PARG: variants seen among roughly 807,000 people sequenced by gnomAD.
PARG encodes the protein mitochondrial poly(ADP-ribose) glycohydrolase.
PARG carries 35 observed loss-of-function variants against 113.0 expected under a neutral mutation model. The observed-to-expected ratio is 0.31, with a 90% CI of 0.24 to 0.41. PARG has a LOEUF of 0.41. PARG is among the 10% of genes least tolerant of loss of function. The pLI is 1.00. For missense variants in PARG, 797 were observed against 1,169.4 expected, an observed-to-expected ratio of 0.68 and a Z score of 4.64; for synonymous variants, 330 against 409.9, an observed-to-expected ratio of 0.81 and a Z score of 2.36.
intron 7 of PARG, among the ~76,000 whole-genome samples, chr10:49,893,861 T>A (rs1417740384): frequency 2.7e-5 from 4 of 147,612 alleles, no homozygotes; most frequent in African/African-American, 9.8e-5. Flanking sequence ...GCCCAGCTAA[T>A]GTTTTTTTTT....
At chr10:49,837,113 GT>G (rs1844976404) in intron 15 of PARG, among the ~76,000 whole-genome samples, 1 of 152,078 alleles carries the variant, frequency 6.6e-6, no homozygotes, top group South Asian at 2.1e-4. Flanking sequence ...AAGGAGACTG[GT>G]CCCCCCCTTT....
At position 49,839,251 on chromosome 10, in the gene PARG, C is replaced by T. The variant is rs1040522094; in HGVS notation, c.2541+2699G>A. 1.1e-4 allele frequency among the ~76,000 whole-genome samples: 17 copies of T among 151,912 alleles called. 1 individual carries two copies. Among genetic ancestry groups the T allele is most frequent in the African/African-American group, 4.1e-4 (17 of 41,370 alleles). ...ACTTGGGAGGCTGAAGCAGGAGAATCACTTGTACCCGGGAGGCGGAAGTTG... is the reference window on the plus strand; with the variant it reads ...ACTTGGGAGGCTGAAGCAGGAGAATTACTTGTACCCGGGAGGCGGAAGTTG... On this transcript the variant is annotated intron_variant, in intron 15 of 17. Transcript: ENST00000616448.
At chr10:49,892,897 G>A (rs1847879707) in intron 7 of PARG, among the ~76,000 whole-genome samples, 1 of 152,162 alleles carries the variant, frequency 6.6e-6, no homozygotes, top group Admixed American at 6.5e-5. Context: ...GCCTGGGCAA[G>A]ATGGTGAAAC....
At chr10:49,828,015 T>C (rs2132374212) in intron 16 of PARG, among the ~76,000 whole-genome samples, 1 of 135,502 alleles carries the variant, frequency 7.4e-6, no homozygotes, top group Non-Finnish European at 1.5e-5. Context: ...CACGGGTGCC[T>C]AGGGTCTGGT....
chr10:49,838,153 G>T (rs1182479172), intron 15 of PARG, among the ~76,000 whole-genome samples: 3 of 152,132 alleles, frequency 2.0e-5, no homozygotes, highest in Admixed American at 2.0e-4. Context: ...TGATTTGGCT[G>T]GGCGCAGTGC....
At chr10:49,853,796 C>T (rs1415337422) in intron 13 of PARG, among the ~76,000 whole-genome samples, 5 of 152,044 alleles carry the variant, frequency 3.3e-5, no homozygotes, top group African/African-American at 1.2e-4. Context: ...TTATTTTTTG[C>T]CTTACTTCAC....
intron 7 of PARG, among the ~76,000 whole-genome samples, chr10:49,904,835 G>A (rs1848501074): frequency 6.6e-6 from 1 of 152,118 alleles, no homozygotes; most frequent in Admixed American, 6.5e-5. Flanking sequence ...AGAATCGCTT[G>A]AACCCAGGAG....
chr10:49,888,906 C>T (rs1220728671), intron 7 of PARG, among the ~76,000 whole-genome samples: 1 of 152,120 alleles, frequency 6.6e-6, no homozygotes, highest in Non-Finnish European at 1.5e-5. Context: ...TTTCTCACTG[C>T]TGTTCAGACT....
chr10:49,929,939 G>A (rs1245736234), intron 4 of PARG, among the ~76,000 whole-genome samples: 3 of 150,560 alleles, frequency 2.0e-5, no homozygotes, highest in Non-Finnish European at 4.4e-5. Context: ...AGGAGTTAGG[G>A]ATGAGAGTTA....
chr10:49,925,835 G>A (rs1838128938), intron 4 of PARG, among the ~76,000 whole-genome samples: 1 of 152,220 alleles, frequency 6.6e-6, no homozygotes, highest in Non-Finnish European at 1.5e-5. Flanking sequence ...TAAGGAAATT[G>A]AACACTTGAA....
At chr10:49,920,772 G>A (rs1837826749) in intron 6 of PARG, among the ~76,000 whole-genome samples, 1 of 151,760 alleles carries the variant, frequency 6.6e-6, no homozygotes, top group South Asian at 2.1e-4. Context: ...GCTTTTTGTA[G>A]CTGTGAGCCT....
chr10:49,824,080 T>C (rs945283884), intron 16 of PARG, among the ~76,000 whole-genome samples: 1 of 152,200 alleles, frequency 6.6e-6, no homozygotes, highest in Non-Finnish European at 1.5e-5. Context: ...AACTACACCA[T>C]GGAGTTAAAT....
rs781807321 is a variant in PARG at position 49,843,594 on chromosome 10, T to A, written c.2392A>T (p.Thr798Ser). The A allele has an allele frequency of 3.2e-6, 5 of 1,551,142 alleles. No individual in the cohort carries two copies. The highest frequency in any genetic ancestry group is 2.0e-5 in the Admixed American group (1 of 51,002). ...QYSEYTGYAE[T>S]YRWSRSHEDG... ...TCGTGGCTCCGGGACCAACGATATG[T>A]CTCAGCATAGCCTGTGTATTCACTG... Residue 798 changes from threonine (T) to serine (S), a missense_variant, in exon 14 of 18, where the codon ACA becomes TCA. Physicochemically the swap from Thr to Ser is moderately conservative, Grantham distance 58. Transcript: ENST00000616448.
chr10:49,863,057 T>C (rs1247059392), intron 11 of PARG, among the ~76,000 whole-genome samples: 1 of 151,830 alleles, frequency 6.6e-6, no homozygotes, highest in Non-Finnish European at 1.5e-5. Flanking sequence ...GCTAGAAACC[T>C]TTTCTTGGTT....
chr10:49,916,412 T>C (rs1837474043), intron 6 of PARG, among the ~76,000 whole-genome samples: 1 of 152,118 alleles, frequency 6.6e-6, no homozygotes, highest in Non-Finnish European at 1.5e-5. Context: ...GGTCAGTTAA[T>C]AGGGTTGAGG....
intron 7 of PARG, among the ~76,000 whole-genome samples, chr10:49,901,946 C>T (rs1848365187): frequency 6.6e-6 from 1 of 152,044 alleles, no homozygotes; most frequent in South Asian, 2.1e-4. Flanking sequence ...CTGTGCTGTC[C>T]AGGATGGCAG....
intron 16 of PARG, among the ~76,000 whole-genome samples, chr10:49,826,106 G>C (rs1369519323): frequency 2.0e-5 from 3 of 152,188 alleles, no homozygotes; most frequent in African/African-American, 7.2e-5. Context: ...ATTTTCAGAT[G>C]TGGGATACTC....
At chr10:49,878,328 T>C (rs1554838750) in intron 9 of PARG, among the ~76,000 whole-genome samples, 4 of 142,994 alleles carry the variant, frequency 2.8e-5, no homozygotes, top group Admixed American at 1.4e-4. Flanking sequence ...GAAAAACTGG[T>C]AGAATCAGAC....
rs1215461088 is a variant in PARG, at chr10:49,933,446, G to A, written c.1002C>T (p.Ser334=). The A allele has an allele frequency of 2.5e-6, 4 of 1,613,046 alleles. No individual in the cohort carries two copies. The Admixed American group carries it at 5.0e-5, about 20-fold the overall frequency. The change falls in exon 3 of 18, where the codon TCC becomes TCT. Residue 334 remains serine, a synonymous_variant. Transcript: ENST00000616448. The part of the protein sequence containing the change: ...PGFDEQEDGS[S]SQTANKPSRF... ...TTGAAGGTTTATTTGCTGTTTGGGA[G>A]GAACTACCATCTTCTTGTTCATCAA...
Sources: allele counts gnomAD v4.1 joint callset (sites outside exome capture counted in the v4.1 genomes callset), GRCh38; gene constraint gnomAD v4.1.1; transcripts MANE v1.5; gene names NCBI Gene and HGNC (gene_info 2026-07-23, HGNC 2026-07-21).